Variants in MRPS25 observed in about 807,000 individuals in gnomAD.
The protein encoded by MRPS25 is small ribosomal subunit protein mS25.
In MRPS25, 15 loss-of-function variants were observed where a neutral mutation model predicts 17.3. That is an observed-to-expected ratio of 0.87 (90% CI 0.58 to 1.34). The LOEUF (loss-of-function observed/expected upper bound fraction) is 1.34, where lower values mean the gene tolerates loss of function less well. Among genes scored for constraint, MRPS25 ranks in the 40% most tolerant of loss-of-function variants. MRPS25 has a pLI of 0.00. For missense variants in MRPS25, 225 were observed against 218.6 expected (o/e 1.03, Z -0.19); for synonymous variants, 94 against 83.3 (o/e 1.13, Z -0.70).
At chr3:15,052,839 A>G (rs1459322117) in intron 3 of MRPS25, among the ~76,000 whole-genome samples, 2 of 152,088 alleles carry the variant, frequency 1.3e-5, no homozygotes, top group Non-Finnish European at 2.9e-5. Flanking sequence ...TTGTCCCCTC[A>G]CACCACAGCA....
intron 2 of MRPS25, chr3:15,053,709 T>C (rs2042637117): frequency 1.9e-6 from 1 of 530,240 alleles, no homozygotes; most frequent in Non-Finnish European, 3.4e-6. Context: ...TCCATGTTCA[T>C]GGATAGAAAG....
chr3:15,061,562 G>A (rs1191105169), intron 1 of MRPS25, among the ~76,000 whole-genome samples: 4 of 152,164 alleles, frequency 2.6e-5, no homozygotes, highest in Admixed American at 1.3e-4. Flanking sequence ...ATCTCGGCTC[G>A]CTATAGCCTC....
At position 15,052,404 on chromosome 3, in the gene MRPS25, C is replaced by T; in HGVS notation, c.*37G>A. ...ATCCCATTCCAATCTCCCCACTGGT[C>T]AGACACCATCACCCCAGCCCACAGT... is the stretch of plus-strand genomic sequence containing the variant. On this transcript the variant is annotated 3_prime_UTR_variant, in exon 4 of 4. Coordinates refer to ENST00000253686, the MANE Select transcript of MRPS25 (RefSeq NM_022497.5). 6.3e-7 allele frequency: 1 copy of T among 1,592,912 alleles called. No individual in the cohort carries two copies. The highest frequency in any genetic ancestry group is 8.6e-7 in the Non-Finnish European group (1 of 1,165,196).
chr3:15,056,286 T>C (rs2042672449), intron 2 of MRPS25, among the ~76,000 whole-genome samples: 1 of 151,782 alleles, frequency 6.6e-6, no homozygotes, highest in Non-Finnish European at 1.5e-5. Context: ...CAGGAAAAGA[T>C]ACTTGGGGGA....
At chr3:15,044,399 G>T (rs144110583), downstream of MRPS25, 1 of 152,130 alleles carries the variant, frequency 6.6e-6, no homozygotes, top group Non-Finnish European at 1.5e-5. Context: ...AATTTCCAGG[G>T]TGATAGTCTT....
chr3:15,048,043 C>T (rs181151827), downstream of MRPS25: 8 of 152,748 alleles, frequency 5.2e-5, no homozygotes, highest in East Asian at 1.5e-3. Flanking sequence ...AAGCAGGGGC[C>T]TGCTGGAAGG....
Position 15,051,929 on chromosome 3 carries a change from G to A in MRPS25, c.*512C>T. 1 of 985,826 alleles carries A rather than the reference G, an allele frequency of 1.0e-6. No individual in the cohort carries two copies. The highest frequency in any genetic ancestry group is 1.2e-6 in the Non-Finnish European group (1 of 830,222). 61.1% of individuals were successfully genotyped at this position (985,826 alleles called of 1,614,324 possible). A position where few individuals can be genotyped will look rare whatever the true frequency, so the allele number is the denominator to read the frequency against. On this transcript the variant is annotated 3_prime_UTR_variant, in exon 4 of 4. Coordinates refer to ENST00000253686, the MANE Select transcript of MRPS25 (RefSeq NM_022497.5). ...AACTGTACTTAAAAAAGTGAGCACT[G>A]CACGAAGGGTTGCCTTTGGATTTCT...
Position 15,051,012 on chromosome 3 carries a change from A to C in MRPS25, c.*1429T>G. On this transcript the variant is annotated 3_prime_UTR_variant, in exon 4 of 4. Transcript: ENST00000253686. ...CCTGGAAAGCTTTTAGGACTTGACC[A>C]AGGCCCCAGCAGGTAGAGGAATGAA... 1 of 983,934 alleles carries C rather than the reference A, an allele frequency of 1.0e-6. No individual in the cohort carries two copies. The highest frequency in any genetic ancestry group is 1.2e-6 in the Non-Finnish European group (1 of 828,624). The allele number at this position is 983,934 out of a possible 1,614,324, so 61.0% of individuals were successfully genotyped here. A position where few individuals can be genotyped will look rare whatever the true frequency, so the allele number is the denominator to read the frequency against.
intron 1 of MRPS25, among the ~76,000 whole-genome samples, chr3:15,060,809 A>G (rs2042742862): frequency 6.6e-6 from 1 of 152,178 alleles, no homozygotes; most frequent in Non-Finnish European, 1.5e-5. Flanking sequence ...TGAATCCAGG[A>G]GGCAGAGCTT....
Position 15,049,686 on chromosome 3 carries a change from C to T in MRPS25, c.*2755G>A, listed in dbSNP as rs1232710774. 1.8e-6 allele frequency: 1 copy of T among 555,164 alleles called. No individual in the cohort carries two copies. Among genetic ancestry groups the T allele is most frequent in the African/African-American group, 2.0e-5 (1 of 50,718 alleles). 34.4% of individuals were successfully genotyped at this position (555,164 alleles called of 1,614,324 possible). On this transcript the variant is annotated 3_prime_UTR_variant, in exon 4 of 4. Coordinates refer to ENST00000253686, the MANE Select transcript of MRPS25 (RefSeq NM_022497.5). The stretch of plus-strand genomic sequence containing the variant: ...GCTCCAAAAGTTTCAGAAGTTAGAA[C>T]ATATTCATTATGTCATCTGACCTCT...
At position 15,051,767 on chromosome 3, in the gene MRPS25, G is replaced by A; in HGVS notation, c.*674C>T. On this transcript the variant is annotated 3_prime_UTR_variant, in exon 4 of 4. Coordinates refer to ENST00000253686, the MANE Select transcript of MRPS25 (RefSeq NM_022497.5). ...ATGGCCTACAAACCTCCCTGCTAATGCACACAGTGGCTGGGCCATGGGTTG... is the reference window on the plus strand; with the variant it reads ...ATGGCCTACAAACCTCCCTGCTAATACACACAGTGGCTGGGCCATGGGTTG... 2 of 985,456 alleles carry A rather than the reference G, an allele frequency of 2.0e-6. No homozygotes were observed. The highest frequency in any genetic ancestry group is 2.4e-6 in the Non-Finnish European group (2 of 829,996). 61.0% of individuals were successfully genotyped at this position (985,456 alleles called of 1,614,324 possible).
At chr3:15,056,420 A>AG (rs2125134181) in intron 2 of MRPS25, among the ~76,000 whole-genome samples, 1 of 152,312 alleles carries the variant, frequency 6.6e-6, no homozygotes, top group Admixed American at 6.5e-5. Context: ...AACCTTACAC[A>AG]GCAAAAGGGA....
Position 15,051,888 on chromosome 3 carries a change from GCA to G in MRPS25, c.*551_*552del, listed in dbSNP as rs2042611000. On this transcript the variant is annotated 3_prime_UTR_variant, in exon 4 of 4. Coordinates refer to ENST00000253686, the MANE Select transcript of MRPS25 (RefSeq NM_022497.5). ...CTCTGGCCCATGGCTAGGCCCCCCA[GCA>G]GGCAAGGGTAATCAACTGTACTTAA... is the stretch of plus-strand genomic sequence containing the variant. 1 of 985,570 alleles carries G rather than the reference GCA, an allele frequency of 1.0e-6. No homozygotes were observed. The highest frequency in any genetic ancestry group is 1.2e-6 in the Non-Finnish European group (1 of 830,012). The allele number at this position is 985,570 out of a possible 1,614,324, so 61.1% of individuals were successfully genotyped here.
At position 15,059,233 on chromosome 3, in the gene MRPS25, A is replaced by G. The variant is rs536400703; in HGVS notation, c.241+136T>C. ...GCTGCTGAGTGCCTCGGTATGGGGA[A>G]GCCAAAGGTGCCAGGAGTCACAGAC... is the stretch of plus-strand genomic sequence containing the variant. On this transcript the variant is annotated intron_variant, in intron 2 of 3. Transcript: ENST00000253686. 51 of 653,442 alleles carry G rather than the reference A, an allele frequency of 7.8e-5. No individual in the cohort carries two copies. In the South Asian group the frequency reaches 8.5e-4, roughly 11 times the overall value. 40.5% of individuals were successfully genotyped at this position (653,442 alleles called of 1,614,324 possible). A position where few individuals can be genotyped will look rare whatever the true frequency, so the allele number is the denominator to read the frequency against.
intron 1 of MRPS25, among the ~76,000 whole-genome samples, chr3:15,062,895 C>T (rs2042797877): frequency 6.6e-6 from 1 of 152,206 alleles, no homozygotes. Context: ...GTCATCACCA[C>T]TCCCTAATCT....
rs1243241059 is a variant in MRPS25, at chr3:15,057,317, C to G, written c.241+2052G>C. Among the ~76,000 whole-genome samples the G allele has an allele frequency of 5.3e-5, 8 of 152,228 alleles. No individual in the cohort carries two copies. The East Asian group carries it at 1.5e-3, about 29-fold the overall frequency. On this transcript the variant is annotated intron_variant, in intron 2 of 3. Coordinates refer to ENST00000253686, the MANE Select transcript of MRPS25 (RefSeq NM_022497.5). ...TTCCCTGCCCGGCCTCCTCACTCTC[C>G]TGGTTTCTTTCAAGGTCTTCTCTCT...
In MRPS25 at chr3:15,065,122, C is replaced by T. The variant is rs780986308; in HGVS notation, c.73G>A (p.Asp25Asn). ...YLSQGNVVFK[D>N]SVKVMTVNYN... ...TTCACTGTCATGACCTTCACGGAGT[C>T]CTTGAACACCACGTTCCCCTGGCTC... Residue 25 changes from aspartate to asparagine, a missense_variant, in exon 1 of 4, where the codon GAC (aspartate) becomes AAC (asparagine). By Grantham distance (23) the Asp-to-Asn change is conservative (BLOSUM62 1). Coordinates refer to ENST00000253686, the MANE Select transcript of MRPS25 (RefSeq NM_022497.5). 5.0e-6 allele frequency: 8 copies of T among 1,609,288 alleles called. No individual in the cohort carries two copies. Among genetic ancestry groups the T allele is most frequent in the Non-Finnish European group, 6.8e-6 (8 of 1,178,086 alleles).
chr3:15,061,946 C>T (rs933137499), intron 1 of MRPS25, among the ~76,000 whole-genome samples: 7 of 150,676 alleles, frequency 4.6e-5, no homozygotes, highest in Non-Finnish European at 1.0e-4. Context: ...CCGGCAGCCG[C>T]CCCGTCTGAG....
chr3:15,061,539 G>C (rs1460074514), intron 1 of MRPS25, among the ~76,000 whole-genome samples: 1 of 152,206 alleles, frequency 6.6e-6, no homozygotes, highest in Non-Finnish European at 1.5e-5. Context: ...CCAGGCTGGA[G>C]TGCAGTGGCA....
Sources: allele counts gnomAD v4.1 joint callset (sites outside exome capture counted in the v4.1 genomes callset), GRCh38; gene constraint gnomAD v4.1.1; transcripts MANE v1.5; gene names NCBI Gene and HGNC (gene_info 2026-07-23, HGNC 2026-07-21).